AP2A2: variants seen among roughly 807,000 people sequenced by gnomAD.
AP2A2 encodes AP-2 complex subunit alpha-2.
In AP2A2, 32 loss-of-function variants were observed where a neutral mutation model predicts 104.2. That is an observed-to-expected ratio of 0.31 (90% CI 0.23 to 0.41). The LOEUF (loss-of-function observed/expected upper bound fraction) is 0.41. Among genes scored for constraint, AP2A2 ranks in the 10% least tolerant of loss-of-function variants. The pLI is 1.00. For synonymous variants in AP2A2, 539 were observed against 533.3 expected (o/e 1.01, Z -0.15); for missense variants, 912 against 1,261.0 (o/e 0.72, Z 4.19).
chr11:953,345 A>G (rs1161043322), intron 1 of AP2A2, among the ~76,000 whole-genome samples: 2 of 151,950 alleles, frequency 1.3e-5, no homozygotes, highest in East Asian at 3.9e-4. Context: ...TTGTGTTTTT[A>G]CTAGAGACAG....
chr11:996,919 T>C lies in AP2A2; in HGVS notation c.1956+2674T>C, dbSNP rs563465669. 7.2e-5 allele frequency among the ~76,000 whole-genome samples: 11 copies of C among 152,152 alleles called. No homozygotes were observed. In the South Asian group the frequency reaches 1.9e-3, roughly 26 times the overall value. On this transcript the variant is annotated intron_variant, in intron 14 of 21. Transcript: ENST00000448903. ...GCGCCTCCGTCCTGACCGAGAGCTGTGGTGTGTGGGCCCCTCTGTTCTGAC... is the reference window on the plus strand; with the variant it reads ...GCGCCTCCGTCCTGACCGAGAGCTGCGGTGTGTGGGCCCCTCTGTTCTGAC...
intron 14 of AP2A2, 55 bp from the exon 15 acceptor site, chr11:1,000,377 G>T: frequency 6.5e-7 from 1 of 1,528,140 alleles, no homozygotes; most frequent in Non-Finnish European, 8.8e-7. Context: ...GAGCTGCCTG[G>T]GGTTGGCCAG....
At chr11:983,017 C>CTTTTTTTTTTTTTTT (rs56742889) in intron 6 of AP2A2, among the ~76,000 whole-genome samples, 2 of 82,392 alleles carry the variant, frequency 2.4e-5, no homozygotes, top group African/African-American at 4.7e-5. Flanking sequence ...TTTTCTTTTT[C>CTTTTTTTTTTTTTTT]TTTTTTTTTT....
chr11:1,004,330 G>C (rs888387783), intron 16 of AP2A2, among the ~76,000 whole-genome samples: 2 of 152,124 alleles, frequency 1.3e-5, no homozygotes, highest in Non-Finnish European at 2.9e-5. Flanking sequence ...AAAATTAGCT[G>C]GGTGTAGTGG....
At chr11:967,237 CTG>C (rs1412190048) in intron 2 of AP2A2, among the ~76,000 whole-genome samples, 1 of 152,194 alleles carries the variant, frequency 6.6e-6, no homozygotes, top group East Asian at 1.9e-4. Flanking sequence ...ATTTTATCGT[CTG>C]TGAAGTCTGT....
rs116527305 is a variant in AP2A2, at chr11:956,601, T to A, written c.68-2836T>A. ...TAAAATCACTTGTACTCTTTAAGCC[T>A]CAGTTTTCACAGCTGGTCCAGGTAG... On this transcript the variant is annotated intron_variant, in intron 1 of 21. Coordinates refer to ENST00000448903, the MANE Select transcript of AP2A2 (RefSeq NM_012305.4). 7.9e-3 allele frequency among the ~76,000 whole-genome samples: 1,199 copies of A among 152,350 alleles called. 24 individuals are homozygous for A. Among genetic ancestry groups the A allele is most frequent in the African/African-American group, 0.028 (1,145 of 41,576 alleles).
At chr11:961,810 A>G (rs1170077293) in intron 2 of AP2A2, among the ~76,000 whole-genome samples, 1 of 143,138 alleles carries the variant, frequency 7.0e-6, no homozygotes, top group Non-Finnish European at 1.5e-5. Flanking sequence ...AGTCGCCGCC[A>G]CGAGTGAAAA....
intron 16 of AP2A2, 85 bp downstream of exon 16, chr11:1,003,889 G>A: frequency 1.2e-6 from 1 of 853,250 alleles, no homozygotes; most frequent in Non-Finnish European, 1.8e-6. Flanking sequence ...ATACTTATAA[G>A]GGATAGATAT....
At chr11:980,006 C>T (rs1855187348) in intron 5 of AP2A2, among the ~76,000 whole-genome samples, 1 of 152,188 alleles carries the variant, frequency 6.6e-6, no homozygotes, top group Non-Finnish European at 1.5e-5. Context: ...GACTGATTCC[C>T]TAGTGGCTGT....
intron 2 of AP2A2, among the ~76,000 whole-genome samples, chr11:960,229 A>T (rs1245947631): frequency 6.8e-6 from 1 of 146,964 alleles, no homozygotes; most frequent in Non-Finnish European, 1.5e-5. Flanking sequence ...ATGGATATCC[A>T]GTAGTTTCTT....
In AP2A2 at chr11:993,466, C is replaced by T; in HGVS notation, c.1550+85C>T. ...TGGCAAGAGGCGAGGCACCAGCTGG[C>T]CCTGCCGTGAGGCCTCGCAGAGCCG... On this transcript the variant is annotated intron_variant, in intron 12 of 21. Coordinates refer to ENST00000448903, the MANE Select transcript of AP2A2 (RefSeq NM_012305.4). The surrounding 1 kb of genome is among the most constrained non-coding windows in gnomAD (Gnocchi z 8.2). 1 of 1,134,420 alleles carries T rather than the reference C, an allele frequency of 8.8e-7. No individual in the cohort carries two copies. The highest frequency in any genetic ancestry group is 1.2e-6 in the Non-Finnish European group (1 of 823,000). The allele number at this position is 1,134,420 out of a possible 1,614,324, so 70.3% of individuals were successfully genotyped here.
At chr11:953,686 G>A (rs10902247) in intron 1 of AP2A2, among the ~76,000 whole-genome samples, 76,940 of 151,476 alleles carry the variant, frequency 0.51, 20,140 homozygotes, top group Middle Eastern at 0.66. Context: ...CTGCTTTTGC[G>A]TCGTCTCTGC....
chr11:1,002,736 C>T (rs993654703), intron 15 of AP2A2, among the ~76,000 whole-genome samples: 1 of 152,290 alleles, frequency 6.6e-6, no homozygotes, highest in Non-Finnish European at 1.5e-5. Context: ...GCACTCAGAC[C>T]TTCCAGGGTG....
intron 15 of AP2A2, among the ~76,000 whole-genome samples, chr11:1,002,757 T>C (rs1027862201): frequency 3.3e-5 from 5 of 152,268 alleles, no homozygotes; most frequent in Admixed American, 3.3e-4. Flanking sequence ...GCAGCTGTGG[T>C]GCAGTTAGTG....
intron 10 of AP2A2, among the ~76,000 whole-genome samples, chr11:991,956 G>A (rs1855670532): frequency 6.6e-6 from 1 of 152,156 alleles, no homozygotes; most frequent in Non-Finnish European, 1.5e-5. Flanking sequence ...CTGCCACGTG[G>A]GTGTGGGCTG....
rs758288236 is a variant in AP2A2, at chr11:925,990, C to A, written c.-32C>A. ...CTCCCCGCGCTCCTCCGCCCGGGTC[C>A]GCCAGCCGAGGCCGCTCCCGAGCGT... On this transcript the variant is annotated 5_prime_UTR_variant, in exon 1 of 22. Coordinates refer to ENST00000448903, the MANE Select transcript of AP2A2 (RefSeq NM_012305.4). 1.4e-5 allele frequency: 20 copies of A among 1,388,382 alleles called. No homozygotes were observed. The highest frequency in any genetic ancestry group is 7.6e-6 in the Non-Finnish European group (8 of 1,056,458). 86.0% of individuals were successfully genotyped at this position (1,388,382 alleles called of 1,614,324 possible).
Position 959,599 on chromosome 11 carries a change from C to G in AP2A2, c.136+94C>G, listed in dbSNP as rs578071258. ...TAATACTGTCTTCTTTTCTCCCACA[C>G]TAAAGTGAAGTTCTCAGTTTGTACA... On this transcript the variant is annotated intron_variant, in intron 2 of 21. Coordinates refer to ENST00000448903, the MANE Select transcript of AP2A2 (RefSeq NM_012305.4). The G allele has an allele frequency of 5.6e-5, 46 of 826,162 alleles. 1 individual carries two copies. The South Asian group carries it at 6.9e-4, about 12-fold the overall frequency. 51.2% of individuals were successfully genotyped at this position (826,162 alleles called of 1,614,324 possible). A position where few individuals can be genotyped will look rare whatever the true frequency, so the allele number is the denominator to read the frequency against.
At chr11:1,007,651 A>C (rs1224398087) in intron 17 of AP2A2, 2 of 312,270 alleles carry the variant, frequency 6.4e-6, no homozygotes, top group South Asian at 3.3e-5. Context: ...GGAGCCTGCT[A>C]TTCCTGGGAT....
intron 14 of AP2A2, among the ~76,000 whole-genome samples, chr11:995,636 G>C (rs541005499): frequency 6.7e-6 from 1 of 149,490 alleles, no homozygotes; most frequent in African/African-American, 2.5e-5. Context: ...TATGTGCCCC[G>C]GCTGACCATG....
Sources: gnomAD v4.1 joint callset for allele counts (sites outside exome capture counted in the v4.1 genomes callset) on GRCh38, gnomAD v4.1.1 for gene constraint, Gnocchi (gnomAD v3.1) non-coding constraint, MANE v1.5 for transcripts, NCBI Gene and HGNC (gene_info 2026-07-23, HGNC 2026-07-21) for gene names.